Variants in PCDHGA7 observed in about 807,000 individuals in gnomAD.
PCDHGA7 encodes protocadherin gamma subfamily A, 7.
A neutral mutation model predicts 58.3 loss-of-function variants in PCDHGA7; 44 were observed. The observed-to-expected ratio is 0.75, with a 90% CI of 0.59 to 0.97. The LOEUF (loss-of-function observed/expected upper bound fraction) is 0.97, where lower values mean the gene tolerates loss of function less well. Among genes scored for constraint, PCDHGA7 ranks in the 50% least tolerant of loss-of-function variants. The probability of loss-of-function intolerance (pLI) is 0.00; values close to 1 mark genes in which losing one functional copy is unlikely to be tolerated. For missense variants in PCDHGA7, 1,266 were observed against 1,188.7 expected (o/e 1.06, Z -0.96); for synonymous variants, 516 against 504.2 (o/e 1.02, Z -0.31).
intron 1 of PCDHGA7, among the ~76,000 whole-genome samples, chr5:141,438,591 CAT>C (rs946798767): frequency 2.9e-3 from 219 of 75,538 alleles, no homozygotes; most frequent in Middle Eastern, 0.016. Context: ...TACATACATA[CAT>C]ATATATATAT....
chr5:141,395,080 A>G, intron 1 of PCDHGA7: 1 of 1,614,088 alleles, frequency 6.2e-7, no homozygotes, highest in Non-Finnish European at 8.5e-7. Flanking sequence ...TATTCCCAGG[A>G]AGTCTCCCTC....
chr5:141,393,232 T>TA lies in PCDHGA7; in HGVS notation c.2424+7914dup, dbSNP rs774547937. On this transcript the variant is annotated intron_variant, in intron 1 of 3. Coordinates refer to ENST00000518325, the MANE Select transcript of PCDHGA7 (RefSeq NM_018920.4). The stretch of plus-strand genomic sequence containing the variant: ...AAATTCCAGGTCGAAGATCTAGAAG[T>TA]AAAAATTAACGAAATCGCGGTTCCT... The TA allele has an allele frequency of 5.6e-6, 9 of 1,613,542 alleles. No homozygotes were observed. The African/African-American group carries it at 1.2e-4, about 22-fold the overall frequency.
intron 2 of PCDHGA7, among the ~76,000 whole-genome samples, chr5:141,500,587 C>T (rs1418158417): frequency 6.6e-5 from 10 of 152,170 alleles, no homozygotes; most frequent in South Asian, 2.1e-4. Flanking sequence ...ACACTTTATT[C>T]ACATATTAAG....
intron 1 of PCDHGA7, chr5:141,418,389 AT>A (rs1429903562): frequency 5.6e-6 from 9 of 1,613,878 alleles, no homozygotes; most frequent in Non-Finnish European, 6.8e-6. Flanking sequence ...CCTAACGAGT[AT>A]TTCTCATTGG....
At chr5:141,391,561 G>T (rs2092390304) in intron 1 of PCDHGA7, 2 of 152,026 alleles carry the variant, frequency 1.3e-5, no homozygotes. Flanking sequence ...TTTTCCATAT[G>T]CATAAGAAAA....
chr5:141,403,079 T>C (rs770770660), intron 1 of PCDHGA7: 3 of 1,614,064 alleles, frequency 1.9e-6, no homozygotes, highest in Non-Finnish European at 1.7e-6. Flanking sequence ...AGAAAAGGGC[T>C]ATATTGTGGG....
At position 141,384,106 on chromosome 5, in the gene PCDHGA7, A is replaced by G; in HGVS notation, c.1207A>G (p.Arg403Gly). 1 of 1,602,128 alleles carries G rather than the reference A, an allele frequency of 6.2e-7. No individual in the cohort carries two copies. The highest frequency in any genetic ancestry group is 8.5e-7 in the Non-Finnish European group (1 of 1,173,686). ...AGAAAAATCAATAGATAATTATTATAGATTGGTCACAACCAAAAACTTGGA... is the reference window on the plus strand; with the variant it reads ...AGAAAAATCAATAGATAATTATTATGGATTGGTCACAACCAAAAACTTGGA... ...KLEKSIDNYY[R>G]LVTTKNLDRE... The change falls in exon 1 of 4, where the codon AGA becomes GGA. Residue 403 changes from arginine to glycine, a missense_variant. By Grantham distance (125) the Arg-to-Gly change is moderately radical. Coordinates refer to ENST00000518325, the MANE Select transcript of PCDHGA7 (RefSeq NM_018920.4).
rs1452697214 is a variant in PCDHGA7 at position 141,476,552 on chromosome 5, G to T, written c.2425-18255G>T. ...CCAGGAAATGAAATTGGAGATTAGC[G>T]AGGCCGTGGCTCCGGGGACGCGCTT... On this transcript the variant is annotated intron_variant, in intron 1 of 3. Transcript: ENST00000518325. The surrounding 1 kb of genome is among the most constrained non-coding windows in gnomAD (Gnocchi z 7.6). 6.2e-7 allele frequency: 1 copy of T among 1,614,210 alleles called. No individual in the cohort carries two copies. The highest frequency in any genetic ancestry group is 2.2e-5 in the East Asian group (1 of 44,872).
rs771648323 is a variant in PCDHGA7, at chr5:141,383,749, A to C, written c.850A>C (p.Ile284Leu). ...GGAAGTGACATATTCTTTTCGGAAA[A>C]TAACTCCTAAACTTCCAAAGATGTT... ...NGEVTYSFRK[I>L]TPKLPKMFHL... is the part of the protein sequence containing the mutation. Residue 284 changes from isoleucine (I) to leucine (L), a missense_variant, in exon 1 of 4, where the codon ATA (isoleucine) becomes CTA (leucine). Ile to Leu is a conservative substitution (Grantham distance 5, BLOSUM62 2). Coordinates refer to ENST00000518325, the MANE Select transcript of PCDHGA7 (RefSeq NM_018920.4). The C allele has an allele frequency of 7.4e-6, 12 of 1,614,008 alleles. No individual in the cohort carries two copies. The highest frequency in any genetic ancestry group is 1.0e-5 in the Non-Finnish European group (12 of 1,179,888).
At position 141,383,857 on chromosome 5, in the gene PCDHGA7, C is replaced by T. The variant is rs1779530315; in HGVS notation, c.958C>T (p.Gln320Ter). 2 of 1,613,810 alleles carry T rather than the reference C, an allele frequency of 1.2e-6. No individual in the cohort carries two copies. Among genetic ancestry groups the T allele is most frequent in the Non-Finnish European group, 1.7e-6 (2 of 1,179,878 alleles). Residue 320 changes from glutamine (Q) to a stop codon, truncating the protein, a stop_gained, in exon 1 of 4, where the codon CAG becomes TAG. Coordinates refer to ENST00000518325, the MANE Select transcript of PCDHGA7 (RefSeq NM_018920.4). LOFTEE classifies it high-confidence loss of function. Reference protein sequence around the residue: ...EETAFYEMEVQAQDGPGSLTK... With the variant: ...EETAFYEMEV ...AACTGCCTTCTATGAAATGGAGGTT[C>T]AGGCTCAAGATGGTCCTGGTAGTCT...
intron 1 of PCDHGA7, among the ~76,000 whole-genome samples, chr5:141,456,702 C>A (rs1185842343): frequency 6.6e-6 from 1 of 152,062 alleles, no homozygotes; most frequent in African/African-American, 2.4e-5. Flanking sequence ...TGGTGGCTCG[C>A]GCCTGTAATC....
At chr5:141,494,362 A>T (rs527454959) in intron 1 of PCDHGA7, among the ~76,000 whole-genome samples, 47 of 152,300 alleles carry the variant, frequency 3.1e-4, no homozygotes, top group Admixed American at 8.5e-4. Context: ...GCTGCAGAGG[A>T]TGCTTTGTTC....
chr5:141,413,981 C>T (rs563161887), intron 1 of PCDHGA7: 52 of 1,613,334 alleles, frequency 3.2e-5, no homozygotes, highest in African/African-American at 5.3e-5. Context: ...CTGACAGTCA[C>T]AGCCACCGAC....
intron 1 of PCDHGA7, chr5:141,391,390 C>G (rs1268177633): frequency 6.6e-6 from 1 of 151,476 alleles, no homozygotes; most frequent in Non-Finnish European, 1.5e-5. Context: ...ATAGCTCCCT[C>G]CAGCCTCAAA....
At chr5:141,421,257 C>T (rs944057868) in intron 1 of PCDHGA7, 1 of 1,608,520 alleles carries the variant, frequency 6.2e-7, no homozygotes, top group African/African-American at 1.3e-5. Context: ...GCGGGGACCG[C>T]AGTCGGCTGC....
chr5:141,467,764 TGCCCGCACCTCA>T (rs544344217), intron 1 of PCDHGA7, among the ~76,000 whole-genome samples: 90 of 152,158 alleles, frequency 5.9e-4, no homozygotes, highest in South Asian at 1.0e-3. Context: ...CATGCTCAAG[TGCCCGCACCTCA>T]GCCTCTCAAG....
chr5:141,402,937 C>A, intron 1 of PCDHGA7: 2 of 1,588,498 alleles, frequency 1.3e-6, no homozygotes, highest in Non-Finnish European at 1.7e-6. Flanking sequence ...TGAGAAAATT[C>A]CAAAGCGAGG....
chr5:141,487,377 C>G lies in PCDHGA7; in HGVS notation c.2425-7430C>G, dbSNP rs758216933. On this transcript the variant is annotated intron_variant, in intron 1 of 3. Coordinates refer to ENST00000518325, the MANE Select transcript of PCDHGA7 (RefSeq NM_018920.4). This position sits in a 1 kb window ranked among gnomAD's most constrained non-coding sequence, Gnocchi z 5.0. ...CCTGCTGGCACCTGTGCCTGTCTCA[C>G]CAGATCTCGAAGGAGGGAGGGGCTT... 6.2e-7 allele frequency: 1 copy of G among 1,614,190 alleles called. No individual in the cohort carries two copies. The highest frequency in any genetic ancestry group is 1.1e-5 in the South Asian group (1 of 91,086).
intron 1 of PCDHGA7, among the ~76,000 whole-genome samples, chr5:141,460,793 A>T (rs954317795): frequency 2.0e-4 from 30 of 152,024 alleles, no homozygotes; most frequent in Non-Finnish European, 2.9e-5. Flanking sequence ...TATACACACA[A>T]AGTATATATA....
Sources: allele counts gnomAD v4.1 joint callset (sites outside exome capture counted in the v4.1 genomes callset), GRCh38; gene constraint gnomAD v4.1.1; non-coding constraint Gnocchi (gnomAD v3.1); transcripts MANE v1.5; gene names NCBI Gene and HGNC (gene_info 2026-07-23, HGNC 2026-07-21).